Variants in LRP1B observed in about 807,000 individuals in gnomAD.
The protein encoded by LRP1B is LDL receptor related protein 1B, also known as low-density lipoprotein receptor-related protein 1B.
A neutral mutation model predicts 556.6 loss-of-function variants in LRP1B; 217 were observed. The ratio of observed to expected loss-of-function variants is 0.39; its 90% CI spans 0.35 to 0.44. LRP1B has a LOEUF of 0.44. Ranked by LOEUF, LRP1B falls within the 20% of genes least tolerant of loss-of-function variation. The pLI is 1.00. For missense variants in LRP1B, 5,053 were observed against 5,620.8 expected (o/e 0.90, Z 3.23); for synonymous variants, 2,047 against 1,865.8 (o/e 1.10, Z -2.50).
At chr2:141,378,845 TGAA>T (rs1689531099) in intron 3 of LRP1B, among the ~76,000 whole-genome samples, 1 of 151,944 alleles carries the variant, frequency 6.6e-6, no homozygotes. Flanking sequence ...AGCCCAAATA[TGAA>T]GAAGAATGAA....
intron 6 of LRP1B, among the ~76,000 whole-genome samples, chr2:141,195,866 CAG>C (rs924487583): frequency 6.6e-6 from 1 of 151,928 alleles, no homozygotes; most frequent in Non-Finnish European, 1.5e-5. Context: ...GGAAAAATGG[CAG>C]AGAGTGGCTG....
chr2:140,973,362 C>T (rs1696494492), intron 18 of LRP1B, among the ~76,000 whole-genome samples: 1 of 151,770 alleles, frequency 6.6e-6, no homozygotes, highest in African/African-American at 2.4e-5. Context: ...GACATCAGTA[C>T]TATGATGGAT....
At chr2:140,573,991 G>A (rs1681424887) in intron 43 of LRP1B, among the ~76,000 whole-genome samples, 1 of 151,920 alleles carries the variant, frequency 6.6e-6, no homozygotes, top group East Asian at 1.9e-4. Flanking sequence ...TAGAAAAAAA[G>A]AAAGATTTGA....
intron 2 of LRP1B, among the ~76,000 whole-genome samples, chr2:141,722,469 G>T (rs1361423595): frequency 6.6e-6 from 1 of 152,072 alleles, no homozygotes. Context: ...GAGCACATTA[G>T]TACAACTAAT....
intron 25 of LRP1B, among the ~76,000 whole-genome samples, chr2:140,882,146 C>G (rs1693495305): frequency 6.6e-6 from 1 of 152,020 alleles, no homozygotes; most frequent in Non-Finnish European, 1.5e-5. Context: ...TTCTTTTATT[C>G]AGAAAGTTTC....
chr2:140,603,496 C>T (rs1682751247), intron 41 of LRP1B, among the ~76,000 whole-genome samples: 1 of 152,052 alleles, frequency 6.6e-6, no homozygotes, highest in Admixed American at 6.6e-5. Context: ...AATGGCATAG[C>T]TCTGAGAAAA....
Position 140,393,490 on chromosome 2 carries a change from G to C in LRP1B, c.10415-7481C>G, listed in dbSNP as rs139008225. Among the ~76,000 whole-genome samples the C allele has an allele frequency of 1.1e-3, 160 of 151,614 alleles. 3 individuals are homozygous for C. Among genetic ancestry groups the C allele is most frequent in the African/African-American group, 3.6e-3 (147 of 41,274 alleles). On this transcript the variant is annotated intron_variant, in intron 66 of 90. Transcript: ENST00000389484. ...ATATAATGCATAAAACCATTTTAGA[G>C]TAAAATTAGGAAGAGGACTGTAATT...
intron 2 of LRP1B, among the ~76,000 whole-genome samples, chr2:141,717,832 G>T (rs1348124650): frequency 6.6e-6 from 1 of 152,218 alleles, no homozygotes; most frequent in Admixed American, 6.5e-5. Flanking sequence ...CATTACTAAT[G>T]TTAAAACAAT....
intron 31 of LRP1B, among the ~76,000 whole-genome samples, chr2:140,820,930 A>AT (rs1236718798): frequency 3.4e-5 from 5 of 145,330 alleles, no homozygotes; most frequent in East Asian, 2.0e-4. Context: ...AAAAAAAAGT[A>AT]TTTTTTTTCA....
Position 140,331,662 on chromosome 2 carries a change from AAGTT to A in LRP1B, c.12223+2787_12223+2790del, listed in dbSNP as rs1358026330. Among the ~76,000 whole-genome samples the A allele has an allele frequency of 4.2e-5, 6 of 142,734 alleles. No individual in the cohort carries two copies. In the East Asian group the frequency reaches 8.0e-4, roughly 19 times the overall value. 93.6% of individuals were successfully genotyped at this position (142,734 alleles called of 152,430 possible). A position where few individuals can be genotyped will look rare whatever the true frequency, so the allele number is the denominator to read the frequency against. ...TTATTTCATATATCTGGCATTTTTA[AAGTT>A]AGTTATCACTATATATATACATATA... On this transcript the variant is annotated intron_variant, in intron 79 of 90. Transcript: ENST00000389484.
intron 79 of LRP1B, among the ~76,000 whole-genome samples, chr2:140,334,138 A>G (rs1680955961): frequency 6.6e-6 from 1 of 151,982 alleles, no homozygotes; most frequent in Admixed American, 6.6e-5. Context: ...CCATTAACAT[A>G]TATCTGTAAA....
intron 62 of LRP1B, among the ~76,000 whole-genome samples, chr2:140,451,790 T>C (rs1344814817): frequency 8.6e-5 from 13 of 151,644 alleles, no homozygotes; most frequent in African/African-American, 3.1e-4. Flanking sequence ...GGCTGACTTA[T>C]AAAAAATGAA....
Position 140,356,471 on chromosome 2 carries a change from T to G in LRP1B, c.11401A>C (p.Thr3801Pro), listed in dbSNP as rs367967782. 7 of 1,598,122 alleles carry G rather than the reference T, an allele frequency of 4.4e-6. No homozygotes were observed. The highest frequency in any genetic ancestry group is 5.1e-6 in the Non-Finnish European group (6 of 1,169,752). ...ACATTATCTTCACAGGTATATTCAG[T>G]AGGAGCTGGGATTTAAAAATATGAT... ...SDEQGCRIAP[T>P]EYTCEDNVNP... Residue 3801 changes from threonine to proline, a missense_variant, in exon 75 of 91, where the codon ACT becomes CCT. This residue lies in a region of LRP1B where 599 missense variants were observed against 648.4 expected (regional missense o/e 0.92). Coordinates refer to ENST00000389484, the MANE Select transcript of LRP1B (RefSeq NM_018557.3).
chr2:140,588,823 G>GTGGC (rs1682096905), intron 43 of LRP1B, among the ~76,000 whole-genome samples: 1 of 115,350 alleles, frequency 8.7e-6, no homozygotes, highest in African/African-American at 3.2e-5. Flanking sequence ...GCCGGGTGTG[G>GTGGC]TGGCACACGC....
intron 77 of LRP1B, among the ~76,000 whole-genome samples, chr2:140,346,021 C>A (rs1431071659): frequency 6.6e-6 from 1 of 150,698 alleles, no homozygotes; most frequent in Non-Finnish European, 1.5e-5. Context: ...TTTAAACAAA[C>A]AATTGGAATT....
At chr2:140,947,392 C>T (rs1338031676) in intron 20 of LRP1B, among the ~76,000 whole-genome samples, 1 of 152,122 alleles carries the variant, frequency 6.6e-6, no homozygotes, top group Non-Finnish European at 1.5e-5. Context: ...CTTATCCATG[C>T]AGTGTAAAGC....
chr2:140,407,773 T>C (rs1684805862), intron 66 of LRP1B, among the ~76,000 whole-genome samples: 1 of 151,998 alleles, frequency 6.6e-6, no homozygotes, highest in East Asian at 1.9e-4. Context: ...GGTATGGAAA[T>C]TCCTTAAAGA....
intron 6 of LRP1B, among the ~76,000 whole-genome samples, chr2:141,211,304 T>TTA (rs1553476352): frequency 6.8e-6 from 1 of 147,694 alleles, no homozygotes; most frequent in African/African-American, 2.5e-5. Context: ...TCTTTTTTTT[T>TTA]AAAAAAAAAA....
intron 1 of LRP1B, among the ~76,000 whole-genome samples, chr2:141,985,516 TG>T (rs200519567): frequency 2.2e-4 from 33 of 151,622 alleles, no homozygotes; most frequent in Middle Eastern, 3.4e-3. Context: ...TTTATTTTTT[TG>T]GGGGGGGTAT....
Sources: allele counts gnomAD v4.1 joint callset (sites outside exome capture counted in the v4.1 genomes callset), GRCh38; gene constraint gnomAD v4.1.1; regional missense constraint gnomAD v4.1.1; transcripts MANE v1.5; gene names NCBI Gene and HGNC (gene_info 2026-07-23, HGNC 2026-07-21).